KIF6: variants seen among roughly 807,000 people sequenced by gnomAD.
KIF6 encodes kinesin family member 6.
KIF6 carries 106 observed loss-of-function variants against 112.7 expected under a neutral mutation model. The observed-to-expected ratio is 0.94, with a 90% CI of 0.80 to 1.11. The LOEUF (loss-of-function observed/expected upper bound fraction) is 1.11, where lower values mean the gene tolerates loss of function less well. Among genes scored for constraint, KIF6 ranks in the 50% least tolerant of loss-of-function variants. KIF6 has a pLI of 0.00. For synonymous variants in KIF6, 339 were observed against 339.9 expected, an observed-to-expected ratio of 1.00 and a Z score of 0.03; for missense variants, 929 against 964.0, an observed-to-expected ratio of 0.96 and a Z score of 0.48.
At chr6:39,375,358 C>A (rs1562147709) in intron 16 of KIF6, among the ~76,000 whole-genome samples, 1 of 151,554 alleles carries the variant, frequency 6.6e-6, no homozygotes, top group Non-Finnish European at 1.5e-5. Context: ...TGTCTCACCA[C>A]AAAAAAAATC....
intron 10 of KIF6, among the ~76,000 whole-genome samples, chr6:39,569,558 T>G (rs1387045420): frequency 6.6e-6 from 1 of 152,238 alleles, no homozygotes; most frequent in African/African-American, 2.4e-5. Context: ...TTTGTTTGAT[T>G]AGCCAATAAA....
At chr6:39,587,285 AG>A (rs915916866) in intron 7 of KIF6, among the ~76,000 whole-genome samples, 3 of 152,172 alleles carry the variant, frequency 2.0e-5, no homozygotes, top group Admixed American at 6.5e-5. Context: ...GGCATCACAA[AG>A]CCCTAGCTCC....
At chr6:39,565,422 T>C (rs1247220499) in intron 10 of KIF6, among the ~76,000 whole-genome samples, 5 of 152,178 alleles carry the variant, frequency 3.3e-5, no homozygotes, top group African/African-American at 1.2e-4. Flanking sequence ...CAAGGACTGA[T>C]AATTAAGGCC....
intron 7 of KIF6, among the ~76,000 whole-genome samples, chr6:39,590,427 G>GTATA (rs773265909): frequency 4.7e-4 from 53 of 112,666 alleles, no homozygotes; most frequent in Non-Finnish European, 8.3e-4. Context: ...GTATGTGTGT[G>GTATA]TGTATATATA....
chr6:39,465,539 GC>G (rs1298239091), intron 13 of KIF6, among the ~76,000 whole-genome samples: 1 of 152,172 alleles, frequency 6.6e-6, no homozygotes, highest in East Asian at 1.9e-4. Flanking sequence ...ATCATCTCAT[GC>G]CTAAACTGCT....
chr6:39,701,979 C>T (rs769550414), intron 3 of KIF6, among the ~76,000 whole-genome samples: 7 of 152,082 alleles, frequency 4.6e-5, no homozygotes, highest in Non-Finnish European at 7.4e-5. Flanking sequence ...AAAATGTGGC[C>T]CTGATTTAAT....
chr6:39,514,888 T>C (rs1776987408), intron 13 of KIF6, among the ~76,000 whole-genome samples: 1 of 152,192 alleles, frequency 6.6e-6, no homozygotes, highest in Non-Finnish European at 1.5e-5. Flanking sequence ...ATTTGATTAA[T>C]GATAGAAAGA....
intron 13 of KIF6, among the ~76,000 whole-genome samples, chr6:39,458,211 T>C (rs1332905244): frequency 6.8e-6 from 1 of 147,940 alleles, no homozygotes; most frequent in East Asian, 2.0e-4. Context: ...GCAAGGCTGG[T>C]TCAATATACG....
chr6:39,699,898 T>G (rs181760990), intron 3 of KIF6, among the ~76,000 whole-genome samples: 1 of 152,362 alleles, frequency 6.6e-6, no homozygotes, highest in East Asian at 1.9e-4. Flanking sequence ...CATTGAAGTT[T>G]ATATTTTTAG....
rs148142040 is a variant in KIF6 at position 39,545,625 on chromosome 6, G to A, written c.1245C>T (p.Gly415=). The change falls in exon 11 of 23, where the codon GGC becomes GGT. Residue 415 remains glycine, a synonymous_variant. Transcript: ENST00000287152. The part of the protein sequence containing the change: ...DQDSDSRLEV[G]ADMRKVHHCF... ...AGTGATGAACTTTACGCATATCCGC[G>A]CCAACCTCTAATCTACTGTCTGAAT... 2.8e-5 allele frequency: 45 copies of A among 1,613,502 alleles called. No individual in the cohort carries two copies. Among genetic ancestry groups the A allele is most frequent in the Non-Finnish European group, 3.3e-5 (39 of 1,179,682 alleles).
At chr6:39,532,835 C>T (rs1778150492) in intron 13 of KIF6, among the ~76,000 whole-genome samples, 1 of 152,268 alleles carries the variant, frequency 6.6e-6, no homozygotes, top group Non-Finnish European at 1.5e-5. Context: ...AAGGGAAGGG[C>T]TTTACCCATT....
chr6:39,569,442 G>A (rs1023141631), intron 10 of KIF6, among the ~76,000 whole-genome samples: 5 of 152,102 alleles, frequency 3.3e-5, no homozygotes, highest in East Asian at 1.9e-4. Context: ...TCTGTCTTAC[G>A]CTTTTTGGAA....
chr6:39,564,572 C>A (rs1780182582), intron 10 of KIF6, among the ~76,000 whole-genome samples: 1 of 152,154 alleles, frequency 6.6e-6, no homozygotes, highest in Non-Finnish European at 1.5e-5. Context: ...TACAGCCAAG[C>A]TTCTACAAAA....
At chr6:39,535,563 C>A (rs987695534) in intron 13 of KIF6, among the ~76,000 whole-genome samples, 1 of 152,176 alleles carries the variant, frequency 6.6e-6, no homozygotes, top group African/African-American at 2.4e-5. Context: ...ATGCATAAAG[C>A]AAGTCCTGAG....
chr6:39,353,811 TGCA>T (rs1204454996), intron 19 of KIF6: 1 of 359,256 alleles, frequency 2.8e-6, no homozygotes, highest in Non-Finnish European at 5.3e-6. Context: ...GTGTCCGGCA[TGCA>T]GCAGATGCTG....
chr6:39,487,427 A>G (rs1775183096), intron 13 of KIF6, among the ~76,000 whole-genome samples: 1 of 152,072 alleles, frequency 6.6e-6, no homozygotes, highest in Non-Finnish European at 1.5e-5. Context: ...CCATGTACCT[A>G]CCCTAACATG....
Position 39,342,830 on chromosome 6 carries a change from A to G in KIF6, c.2428+879T>C. On this transcript the variant is annotated intron_variant, in intron 22 of 22. Transcript: ENST00000287152. This position sits in a 1 kb window ranked among gnomAD's most constrained non-coding sequence, Gnocchi z 4.7. ...CTCAGTTGCGGCGCTCCATCCATGCACAAACCTCTTCCTGCCCAAACTGCA... is the reference window on the plus strand; with the variant it reads ...CTCAGTTGCGGCGCTCCATCCATGCGCAAACCTCTTCCTGCCCAAACTGCA... The G allele has an allele frequency of 2.0e-6, 2 of 985,364 alleles. No individual in the cohort carries two copies. Among genetic ancestry groups the G allele is most frequent in the Non-Finnish European group, 2.4e-6 (2 of 829,922 alleles). 61.0% of individuals were successfully genotyped at this position (985,364 alleles called of 1,614,324 possible). A position where few individuals can be genotyped will look rare whatever the true frequency, so the allele number is the denominator to read the frequency against.
At chr6:39,693,493 G>A (rs1413770137) in intron 3 of KIF6, among the ~76,000 whole-genome samples, 1 of 152,106 alleles carries the variant, frequency 6.6e-6, no homozygotes, top group African/African-American at 2.4e-5. Flanking sequence ...GTGTGTAACT[G>A]TCAATAATTA....
chr6:39,658,807 C>A (rs1785956781), intron 3 of KIF6, among the ~76,000 whole-genome samples: 1 of 152,172 alleles, frequency 6.6e-6, no homozygotes, highest in Non-Finnish European at 1.5e-5. Flanking sequence ...ACACAGGGGG[C>A]AGTTAGCCAA....
Sources: allele counts gnomAD v4.1 joint callset (sites outside exome capture counted in the v4.1 genomes callset), GRCh38; gene constraint gnomAD v4.1.1; non-coding constraint Gnocchi (gnomAD v3.1); transcripts MANE v1.5; gene names NCBI Gene and HGNC (gene_info 2026-07-23, HGNC 2026-07-21).